FAM222B: variants seen among roughly 807,000 people sequenced by gnomAD.
FAM222B encodes family with sequence similarity 222 member B, also known as protein FAM222B.
Under a neutral mutation model 38.0 loss-of-function variants are expected in FAM222B, and 12 were observed. The ratio of observed to expected loss-of-function variants is 0.32; its 90% CI spans 0.20 to 0.51. The LOEUF is 0.51. FAM222B is among the 20% of genes least tolerant of loss of function. FAM222B has a pLI of 0.97. For missense variants in FAM222B, 716 were observed against 754.2 expected (o/e 0.95, Z 0.59); for synonymous variants, 329 against 317.2 (o/e 1.04, Z -0.40).
chr17:28,793,111 T>C (rs1038083733), intron 1 of FAM222B, among the ~76,000 whole-genome samples: 7 of 151,824 alleles, frequency 4.6e-5, no homozygotes, highest in African/African-American at 1.5e-4. Context: ...AATTTTAAAG[T>C]TTTTTGTAGA....
intron 1 of FAM222B, among the ~76,000 whole-genome samples, chr17:28,818,848 G>A (rs920139069): frequency 6.6e-6 from 1 of 152,172 alleles, no homozygotes; most frequent in Non-Finnish European, 1.5e-5. Flanking sequence ...CACACACATA[G>A]ACAAAATGAG....
intron 1 of FAM222B, among the ~76,000 whole-genome samples, chr17:28,790,884 C>CAATTTTTTT (rs71135852): frequency 1.2e-5 from 1 of 86,062 alleles, no homozygotes; most frequent in African/African-American, 4.6e-5. Context: ...AATTGTTTCA[C>CAATTTTTTT]TTTTTTTTTT....
At chr17:28,777,836 T>C (rs1340274861) in intron 1 of FAM222B, among the ~76,000 whole-genome samples, 2 of 151,872 alleles carry the variant, frequency 1.3e-5, no homozygotes, top group African/African-American at 2.4e-5. Flanking sequence ...TGGTCCAGGC[T>C]GGAGTGTGGT....
chr17:28,810,307 G>C (rs1370789983), intron 1 of FAM222B, among the ~76,000 whole-genome samples: 1 of 151,918 alleles, frequency 6.6e-6, no homozygotes, highest in Non-Finnish European at 1.5e-5. Context: ...TGGTTTTTTT[G>C]GTCACTTCCC....
chr17:28,829,686 T>C (rs1284005437), intron 1 of FAM222B, among the ~76,000 whole-genome samples: 1 of 152,176 alleles, frequency 6.6e-6, no homozygotes, highest in Non-Finnish European at 1.5e-5. Context: ...TTCCATTGTG[T>C]AGATACATTA....
At chr17:28,788,895 C>G (rs574893064) in intron 1 of FAM222B, among the ~76,000 whole-genome samples, 3 of 151,768 alleles carry the variant, frequency 2.0e-5, no homozygotes, top group African/African-American at 7.3e-5. Flanking sequence ...ATGCCCGCCA[C>G]CACACCCACC....
Position 28,758,283 on chromosome 17 carries a change from G to C in FAM222B, c.1676C>G (p.Pro559Arg), listed in dbSNP as rs781765776. 9 of 1,587,162 alleles carry C rather than the reference G, an allele frequency of 5.7e-6. No homozygotes were observed. The highest frequency in any genetic ancestry group is 2.3e-5 in the South Asian group (2 of 86,744). The change falls in exon 3 of 3, where the codon CCA becomes CGA. Residue 559 changes from proline to arginine, a missense_variant. Physicochemically the swap from Pro to Arg is moderately radical, Grantham distance 103. Transcript: ENST00000581407. The part of the protein sequence containing the change: ...TESRSLHIQH[P>R]GYR ...CAGCAGGGCTACCTATCTATACCCT[G>C]GGTGCTGAATATGAAGACTTCGACT...
At chr17:28,767,756 A>C (rs562237489) in intron 1 of FAM222B, among the ~76,000 whole-genome samples, 11 of 151,752 alleles carry the variant, frequency 7.2e-5, no homozygotes, top group African/African-American at 2.4e-4. Context: ...GATTACAGTC[A>C]TGAGCCACCG....
At chr17:28,852,983 C>A (rs1044694526) in intron 1 of FAM222B, among the ~76,000 whole-genome samples, 1 of 151,998 alleles carries the variant, frequency 6.6e-6, no homozygotes, top group Non-Finnish European at 1.5e-5. Flanking sequence ...CACCTGAGGT[C>A]GGGAGTTCAA....
At chr17:28,846,737 G>T (rs2152636203), upstream of FAM222B, among the ~76,000 whole-genome samples, 1 of 152,034 alleles carries the variant, frequency 6.6e-6, no homozygotes, top group South Asian at 2.1e-4. Flanking sequence ...GCTCAATATT[G>T]GTCCTCAATA....
At chr17:28,840,165 G>A (rs1284364105) in intron 1 of FAM222B, among the ~76,000 whole-genome samples, 2 of 151,648 alleles carry the variant, frequency 1.3e-5, no homozygotes, top group Non-Finnish European at 2.9e-5. Context: ...CACCTGGTTC[G>A]AAACCAGCCT....
rs564656410 is a variant in FAM222B, at chr17:28,822,730, G to A, written c.-41+19952C>T. On this transcript the variant is annotated intron_variant, in intron 1 of 2. Transcript: ENST00000581407. ...GCAGAGAGAACTGCTTAAAACCCAG[G>A]AGGTGGAGATTGCACTGAGCTGAGA... Among the ~76,000 whole-genome samples the A allele has an allele frequency of 2.1e-5, 3 of 141,340 alleles. No homozygotes were observed. The Admixed American group carries it at 2.2e-4, about 11-fold the overall frequency. The allele number at this position is 141,340 out of a possible 152,430, so 92.7% of individuals were successfully genotyped here. A position where few individuals can be genotyped will look rare whatever the true frequency, so the allele number is the denominator to read the frequency against.
At chr17:28,797,191 T>C (rs1246707796) in intron 1 of FAM222B, among the ~76,000 whole-genome samples, 1 of 151,748 alleles carries the variant, frequency 6.6e-6, no homozygotes, top group Non-Finnish European at 1.5e-5. Flanking sequence ...TTAGTAGAGA[T>C]GGGGTTTTGT....
chr17:28,795,180 T>A (rs1047811671), intron 1 of FAM222B, among the ~76,000 whole-genome samples: 2 of 152,024 alleles, frequency 1.3e-5, no homozygotes, highest in African/African-American at 4.8e-5. Context: ...TTTGAGACAG[T>A]CCTCCTCTGT....
At chr17:28,820,433 A>T (rs1477921106) in intron 1 of FAM222B, among the ~76,000 whole-genome samples, 1 of 152,184 alleles carries the variant, frequency 6.6e-6, no homozygotes, top group Non-Finnish European at 1.5e-5. Flanking sequence ...ATCCTGCATT[A>T]AAATGTCTTT....
At chr17:28,775,284 C>G (rs990961199) in intron 1 of FAM222B, among the ~76,000 whole-genome samples, 1 of 151,918 alleles carries the variant, frequency 6.6e-6, no homozygotes, top group Non-Finnish European at 1.5e-5. Context: ...CGCCCAGCCT[C>G]ATGTTTTTTG....
At chr17:28,852,430 A>C (rs2039189231) in intron 1 of FAM222B, among the ~76,000 whole-genome samples, 1 of 152,044 alleles carries the variant, frequency 6.6e-6, no homozygotes, top group Admixed American at 6.6e-5. Flanking sequence ...GAGTAGGCAG[A>C]GTTCAAGACC....
intron 1 of FAM222B, among the ~76,000 whole-genome samples, chr17:28,791,913 G>T (rs940289557): frequency 6.6e-6 from 1 of 150,772 alleles, no homozygotes; most frequent in Admixed American, 6.6e-5. Flanking sequence ...GCCCGCCTTC[G>T]CCTCCCAAAG....
intron 1 of FAM222B, among the ~76,000 whole-genome samples, chr17:28,800,853 GAAAA>G (rs534314851): frequency 1.8e-5 from 2 of 111,054 alleles, no homozygotes; most frequent in East Asian, 2.6e-4. Context: ...ACATTTTGTT[GAAAA>G]AAAAAAAAAA....
Sources: gnomAD v4.1 joint callset for allele counts (sites outside exome capture counted in the v4.1 genomes callset) on GRCh38, gnomAD v4.1.1 for gene constraint, MANE v1.5 for transcripts, NCBI Gene and HGNC (gene_info 2026-07-23, HGNC 2026-07-21) for gene names.